Variants in RETREG1 observed in about 807,000 individuals in gnomAD.
RETREG1 encodes family with sequence similarity 134 member B.
Under a neutral mutation model 54.8 loss-of-function variants are expected in RETREG1, and 44 were observed. The ratio of observed to expected loss-of-function variants is 0.80; its 90% CI spans 0.63 to 1.03. The LOEUF is 1.03. Ranked by LOEUF, RETREG1 falls within the 50% of genes least tolerant of loss-of-function variation. The pLI, the probability that RETREG1 is intolerant of heterozygous loss-of-function variation, is 0.00. For synonymous variants in RETREG1, 217 were observed against 238.5 expected (o/e 0.91, Z 0.83); for missense variants, 554 against 605.1 (o/e 0.92, Z 0.89).
At chr5:16,489,810 G>T (rs892949624) in intron 3 of RETREG1, among the ~76,000 whole-genome samples, 4 of 152,100 alleles carry the variant, frequency 2.6e-5, no homozygotes, top group Admixed American at 2.6e-4. Context: ...TTGTATCTAG[G>T]GCTATTGGAG....
chr5:16,606,672 C>T (rs1345517924), intron 1 of RETREG1, among the ~76,000 whole-genome samples: 1 of 152,148 alleles, frequency 6.6e-6, no homozygotes, highest in Non-Finnish European at 1.5e-5. Context: ...CCCACCAAAT[C>T]ATTCTGTCCT....
chr5:16,495,379 A>G (rs1739411042), intron 3 of RETREG1, among the ~76,000 whole-genome samples: 1 of 152,204 alleles, frequency 6.6e-6, no homozygotes. Context: ...GAAAAGCCCC[A>G]TTGTCAAAGG....
At chr5:16,569,592 T>C (rs373489097) in intron 2 of RETREG1, among the ~76,000 whole-genome samples, 5 of 152,204 alleles carry the variant, frequency 3.3e-5, no homozygotes, top group Non-Finnish European at 1.5e-5. Flanking sequence ...TTGACGCTTT[T>C]ATTGACCTCT....
At chr5:16,615,051 T>C (rs192589964) in intron 1 of RETREG1, among the ~76,000 whole-genome samples, 35 of 152,338 alleles carry the variant, frequency 2.3e-4, no homozygotes, top group African/African-American at 7.5e-4. Context: ...TTTAAACTTT[T>C]GCACTGTGAG....
chr5:16,565,709 T>C (rs1579689031), intron 3 of RETREG1, 54 bp downstream of exon 3: 1 of 1,586,240 alleles, frequency 6.3e-7, no homozygotes, highest in East Asian at 2.2e-5. Context: ...GGTGGCTCAG[T>C]CCCCTCCCTC....
Position 16,561,864 on chromosome 5 carries a change from C to T in RETREG1, c.458+3899G>A, listed in dbSNP as rs31287. Among the ~76,000 whole-genome samples, 55,401 of 152,076 alleles carry T rather than the reference C, an allele frequency of 0.36. 10,839 individuals carry two copies. The highest frequency in any genetic ancestry group is 0.44 in the Non-Finnish European group (29,599 of 67,948). On this transcript the variant is annotated intron_variant, in intron 3 of 8. Transcript: ENST00000306320. The surrounding 1 kb of genome is among the most constrained non-coding windows in gnomAD (Gnocchi z 4.2). ...TACCTTGACCAGTCAAACTGAGTCT[C>T]AGTAAATCTGAAAGAACCCTGAGTC...
At chr5:16,534,845 GT>G (rs1330112953) in intron 3 of RETREG1, among the ~76,000 whole-genome samples, 4 of 152,158 alleles carry the variant, frequency 2.6e-5, no homozygotes, top group Non-Finnish European at 4.4e-5. Flanking sequence ...TTCTTCTTCT[GT>G]AAATAATGAT....
intron 3 of RETREG1, among the ~76,000 whole-genome samples, chr5:16,504,043 T>C (rs1202988266): frequency 1.3e-5 from 2 of 152,208 alleles, no homozygotes; most frequent in African/African-American, 4.8e-5. Flanking sequence ...TTTTTCCTAA[T>C]GCTCTCCCTC....
At chr5:16,554,265 C>A (rs901972644) in intron 3 of RETREG1, among the ~76,000 whole-genome samples, 1 of 152,236 alleles carries the variant, frequency 6.6e-6, no homozygotes, top group East Asian at 1.9e-4. Flanking sequence ...AGGCTGGAAC[C>A]TCTCCGTTGA....
At chr5:16,565,832 G>A (rs1741991885) in intron 2 of RETREG1, 39 bp from the exon 3 acceptor site, 3 of 1,605,650 alleles carry the variant, frequency 1.9e-6, no homozygotes, top group East Asian at 2.2e-5. Flanking sequence ...CTTAACAGAG[G>A]TATTTTTCTC....
chr5:16,522,781 G>A (rs1224576936), intron 3 of RETREG1, among the ~76,000 whole-genome samples: 1 of 152,080 alleles, frequency 6.6e-6, no homozygotes, highest in Non-Finnish European at 1.5e-5. Context: ...AAGGTGGGAG[G>A]ATCGCTTGAG....
chr5:16,565,165 T>C (rs1741973914), intron 3 of RETREG1, among the ~76,000 whole-genome samples: 1 of 152,144 alleles, frequency 6.6e-6, no homozygotes, highest in Non-Finnish European at 1.5e-5. Context: ...GCCCCAGCCC[T>C]TTCCTTGTCC....
intron 1 of RETREG1, among the ~76,000 whole-genome samples, chr5:16,598,059 CT>C (rs2126353305): frequency 6.6e-6 from 1 of 152,222 alleles, no homozygotes; most frequent in Admixed American, 6.5e-5. Flanking sequence ...ACCCCCTCCC[CT>C]TCCATCTCCC....
In RETREG1 at chr5:16,594,445, T is replaced by C. The variant is rs780197505; in HGVS notation, c.320+22207A>G. ...AAACGCTTAACATAGCATTTTTCAG[T>C]TGGGCGTGGTGGCTCACACCTATAA... On this transcript the variant is annotated intron_variant, in intron 1 of 8. Transcript: ENST00000306320. The surrounding 1 kb of genome is among the most constrained non-coding windows in gnomAD (Gnocchi z 4.4). 2.0e-5 allele frequency among the ~76,000 whole-genome samples: 3 copies of C among 152,112 alleles called. No homozygotes were observed. The highest frequency in any genetic ancestry group is 6.6e-5 in the Admixed American group (1 of 15,258).
chr5:16,479,039 C>A, intron 5 of RETREG1, 52 bp from the exon 6 acceptor site: 1 of 1,568,124 alleles, frequency 6.4e-7, no homozygotes, highest in Non-Finnish European at 8.8e-7. Context: ...CAAAAGGCTA[C>A]GTACATTTCA....
chr5:16,613,547 C>T (rs540702758), intron 1 of RETREG1, among the ~76,000 whole-genome samples: 1 of 152,190 alleles, frequency 6.6e-6, no homozygotes, highest in Non-Finnish European at 1.5e-5. Flanking sequence ...CAAAATCTTG[C>T]AGATAATGGG....
At chr5:16,518,939 T>C (rs373968477) in intron 3 of RETREG1, among the ~76,000 whole-genome samples, 384 of 152,304 alleles carry the variant, frequency 2.5e-3, no homozygotes, top group Middle Eastern at 0.014. Context: ...GAATGTATTA[T>C]GCACTTTGCC....
rs147453782 is a variant in RETREG1 at position 16,526,741 on chromosome 5, T to C, written c.458+39022A>G. Among the ~76,000 whole-genome samples, 222 of 152,320 alleles carry C rather than the reference T, an allele frequency of 1.5e-3. 2 individuals are homozygous for C. The highest frequency in any genetic ancestry group is 5.1e-3 in the African/African-American group (210 of 41,546). ...GAATATTAGAAATATTCAATATTTC[T>C]AATTCTATTTCTAATTGAATATTAG... On this transcript the variant is annotated intron_variant, in intron 3 of 8. Coordinates refer to ENST00000306320, the MANE Select transcript of RETREG1 (RefSeq NM_001034850.3).
intron 1 of RETREG1, among the ~76,000 whole-genome samples, chr5:16,584,681 C>T (rs945077154): frequency 2.0e-5 from 3 of 152,142 alleles, no homozygotes; most frequent in Non-Finnish European, 2.9e-5. Context: ...TTAATTTCTC[C>T]TGGCCTTTTA....
Sources: allele counts gnomAD v4.1 joint callset (sites outside exome capture counted in the v4.1 genomes callset), GRCh38; gene constraint gnomAD v4.1.1; non-coding constraint Gnocchi (gnomAD v3.1); transcripts MANE v1.5; gene names NCBI Gene and HGNC (gene_info 2026-07-23, HGNC 2026-07-21).